Variants in ATP11A observed in about 807,000 individuals in gnomAD.
The protein encoded by ATP11A is ATPase phospholipid transporting 11A, also known as phospholipid-transporting ATPase IH.
In ATP11A, 81 loss-of-function variants were observed where a neutral mutation model predicts 154.4. The observed-to-expected ratio is 0.52, with a 90% CI of 0.44 to 0.63. The LOEUF (loss-of-function observed/expected upper bound fraction) is 0.63. Among genes scored for constraint, ATP11A ranks in the 30% least tolerant of loss-of-function variants. The pLI is 0.00. For synonymous variants in ATP11A, 623 were observed against 585.9 expected (o/e 1.06, Z -0.91); for missense variants, 1,316 against 1,474.3 (o/e 0.89, Z 1.76).
intron 5 of ATP11A, among the ~76,000 whole-genome samples, chr13:112,813,939 A>G (rs1451315456): frequency 1.3e-5 from 2 of 152,380 alleles, no homozygotes; most frequent in East Asian, 1.9e-4. Context: ...TTGAGAGGTC[A>G]TATAATCTAG....
chr13:112,875,795 A>G lies in ATP11A; in HGVS notation c.3181A>G (p.Arg1061Gly). Residue 1061 changes from arginine (R) to glycine (G), a missense_variant, in exon 28 of 30, where the codon AGG (arginine) becomes GGG (glycine). Arg to Gly is a moderately radical substitution (Grantham distance 125). Around this residue, in one of 5 missense-constraint regions of ATP11A, gnomAD observed 294 missense variants for 290.2 expected, o/e 1.01. Coordinates refer to ENST00000375645, the MANE Select transcript of ATP11A (RefSeq NM_015205.3). The surrounding 1 kb of genome is among the most constrained non-coding windows in gnomAD (Gnocchi z 4.1). ...CCTCAGGCCGTTCCTCAACTACCAG[A>G]GGATGTACTACGTGTTCATCCAGAT... is the stretch of plus-strand genomic sequence containing the variant. ...GVIWPFLNYQRMYYVFIQMLS... is the reference protein window; with the variant it reads ...GVIWPFLNYQGMYYVFIQMLS... 1 of 1,613,824 alleles carries G rather than the reference A, an allele frequency of 6.2e-7. No individual in the cohort carries two copies. The highest frequency in any genetic ancestry group is 1.1e-5 in the South Asian group (1 of 91,080).
intron 1 of ATP11A, among the ~76,000 whole-genome samples, chr13:112,774,138 A>G (rs968936036): frequency 3.3e-5 from 5 of 152,254 alleles, no homozygotes; most frequent in African/African-American, 9.6e-5. Flanking sequence ...GAAATGTCCA[A>G]TACAAAGGAT....
chr13:112,713,973 A>AT (rs1888091826), intron 1 of ATP11A, among the ~76,000 whole-genome samples: 5 of 20,730 alleles, frequency 2.4e-4, no homozygotes, highest in South Asian at 1.7e-3. Flanking sequence ...CTTCCCACCC[A>AT]GCTTCCATTC....
At chr13:112,854,618 C>A (rs2079871295) in intron 19 of ATP11A, 88 bp downstream of exon 19, 1 of 1,460,274 alleles carries the variant, frequency 6.8e-7, no homozygotes, top group Non-Finnish European at 9.2e-7. Context: ...CGGGGAGCCG[C>A]ATTGTCTCTA....
intron 1 of ATP11A, among the ~76,000 whole-genome samples, chr13:112,732,991 A>G (rs550135989): frequency 3.3e-5 from 5 of 152,268 alleles, no homozygotes; most frequent in African/African-American, 1.2e-4. Flanking sequence ...AAACCCTTCT[A>G]TTTTAGAGTT....
At chr13:112,726,910 G>C (rs1173166224) in intron 1 of ATP11A, among the ~76,000 whole-genome samples, 2 of 152,100 alleles carry the variant, frequency 1.3e-5, no homozygotes, top group Non-Finnish European at 2.9e-5. Context: ...TGGATAATAG[G>C]GAAAAATCTC....
intron 19 of ATP11A, among the ~76,000 whole-genome samples, chr13:112,855,401 C>T (rs1258262746): frequency 6.6e-6 from 1 of 152,194 alleles, no homozygotes; most frequent in African/African-American, 2.4e-5. Flanking sequence ...TGGTTTTGAA[C>T]TCCTGACCTC....
At chr13:112,763,671 C>T (rs897670828) in intron 1 of ATP11A, among the ~76,000 whole-genome samples, 1 of 152,192 alleles carries the variant, frequency 6.6e-6, no homozygotes, top group Non-Finnish European at 1.5e-5. Flanking sequence ...ATGGAGGAAC[C>T]TTGGCTTCCA....
intron 17 of ATP11A, among the ~76,000 whole-genome samples, chr13:112,848,726 C>A (rs1253936012): frequency 3.3e-5 from 5 of 152,184 alleles, no homozygotes; most frequent in Non-Finnish European, 4.4e-5. Flanking sequence ...TTGCTCTTGT[C>A]GCCCAGGCTG....
At chr13:112,693,063 T>C (rs1226731847) in intron 1 of ATP11A, among the ~76,000 whole-genome samples, 1 of 152,164 alleles carries the variant, frequency 6.6e-6, no homozygotes, top group African/African-American at 2.4e-5. Flanking sequence ...GATAAAGAAG[T>C]CCTTGGAAAA....
At chr13:112,786,877 T>C (rs1057383805) in intron 2 of ATP11A, among the ~76,000 whole-genome samples, 8 of 152,228 alleles carry the variant, frequency 5.3e-5, no homozygotes, top group Non-Finnish European at 1.2e-4. Context: ...CCAAGTGTCC[T>C]GATGTGTAGA....
intron 2 of ATP11A, among the ~76,000 whole-genome samples, chr13:112,795,134 AC>A (rs1235105542): frequency 1.3e-5 from 2 of 151,110 alleles, no homozygotes; most frequent in East Asian, 3.9e-4. Context: ...AATCCCAGCT[AC>A]TCGGGAGGCT....
rs868175712 is a variant in ATP11A at position 112,781,596 on chromosome 13, C to T, written c.40-3539C>T. On this transcript the variant is annotated intron_variant, in intron 1 of 29. Transcript: ENST00000375645. ...CACAGAGCCAGTGAGCAGCAGGGAC[C>T]GGGCGCCCTGTCCCCAGGCTGCTGT... is the stretch of plus-strand genomic sequence containing the variant. Among the ~76,000 whole-genome samples, 41 of 152,176 alleles carry T rather than the reference C, an allele frequency of 2.7e-4. 1 individual carries two copies. The highest frequency in any genetic ancestry group is 4.7e-4 in the Non-Finnish European group (32 of 67,994).
chr13:112,697,876 G>A lies in ATP11A; in HGVS notation c.39+7421G>A, dbSNP rs1203370288. Among the ~76,000 whole-genome samples the A allele has an allele frequency of 2.0e-5, 3 of 151,970 alleles. No homozygotes were observed. Among genetic ancestry groups the A allele is most frequent in the African/African-American group, 7.3e-5 (3 of 41,348 alleles). ...GGTATGTGCCACCACGCCCAGCCCT[G>A]AAACTACTTTCATTTTAAAACGATG... On this transcript the variant is annotated intron_variant, in intron 1 of 29. Transcript: ENST00000375645. This position sits in a 1 kb window ranked among gnomAD's most constrained non-coding sequence, Gnocchi z 4.0.
intron 6 of ATP11A, among the ~76,000 whole-genome samples, chr13:112,817,637 G>A (rs940582568): frequency 2.0e-5 from 3 of 152,182 alleles, no homozygotes; most frequent in Non-Finnish European, 2.9e-5. Flanking sequence ...GACTGTGGCT[G>A]GTCAGGCTCA....
At position 112,885,686 on chromosome 13, in the gene ATP11A, CACAT is replaced by C. The variant is rs1594278705; in HGVS notation, c.*3821_*3824del. ...ATACACACATGCACACACATATACA[CACAT>C]GTGCCACAAACAAGTGCACACTGTC... On this transcript the variant is annotated 3_prime_UTR_variant, in exon 30 of 30. Transcript: ENST00000375645. 1.3e-5 allele frequency: 2 copies of C among 152,386 alleles called. No individual in the cohort carries two copies. The highest frequency in any genetic ancestry group is 4.1e-4 in the South Asian group (2 of 4,838). 9.4% of individuals were successfully genotyped at this position (152,386 alleles called of 1,614,324 possible).
intron 28 of ATP11A, among the ~76,000 whole-genome samples, chr13:112,877,777 G>A (rs1224990286): frequency 2.6e-5 from 4 of 152,196 alleles, no homozygotes; most frequent in Admixed American, 1.3e-4. Context: ...CTCCAGAGTC[G>A]GGGCTGCCGA....
intron 1 of ATP11A, among the ~76,000 whole-genome samples, chr13:112,738,346 C>G (rs1891197557): frequency 6.6e-6 from 1 of 151,412 alleles, no homozygotes; most frequent in African/African-American, 2.5e-5. Context: ...GCACTCCAAC[C>G]TGGACGACAA....
rs2079860349 is a variant in ATP11A, at chr13:112,854,356, A to G, written c.2069A>G (p.Lys690Arg). Residue 690 changes from lysine to arginine, a missense_variant, in exon 19 of 30, where the codon AAG (lysine) becomes AGG (arginine). Lys to Arg is a conservative substitution (Grantham distance 26, BLOSUM62 2). Around this residue, in one of 5 missense-constraint regions of ATP11A, gnomAD observed 876 missense variants for 1,006.8 expected, o/e 0.87. Transcript: ENST00000375645. The stretch of plus-strand genomic sequence containing the variant: ...AAAGTCTGGGTTCTCACGGGAGACA[A>G]GATGGAGACGGCCGCGGCCACGTGC... ...GIKVWVLTGD[K>R]METAAATCYA... 3 of 1,613,996 alleles carry G rather than the reference A, an allele frequency of 1.9e-6. No homozygotes were observed. Among genetic ancestry groups the G allele is most frequent in the Non-Finnish European group, 1.7e-6 (2 of 1,180,036 alleles).
Sources: gnomAD v4.1 joint callset for allele counts (sites outside exome capture counted in the v4.1 genomes callset) on GRCh38, gnomAD v4.1.1 for gene constraint, gnomAD v4.1.1 regional missense constraint, Gnocchi (gnomAD v3.1) non-coding constraint, MANE v1.5 for transcripts, NCBI Gene and HGNC (gene_info 2026-07-23, HGNC 2026-07-21) for gene names.